APBB1IP: variants seen among roughly 807,000 people sequenced by gnomAD.
The protein encoded by APBB1IP is amyloid beta A4 precursor protein-binding family B member 1-interacting protein.
APBB1IP carries 27 observed loss-of-function variants against 64.9 expected under a neutral mutation model. The observed-to-expected ratio is 0.42, with a 90% confidence interval of 0.31 to 0.57. The LOEUF (loss-of-function observed/expected upper bound fraction) is 0.57. Among genes scored for constraint, APBB1IP ranks in the 20% least tolerant of loss-of-function variants. APBB1IP has a pLI of 0.20. For synonymous variants in APBB1IP, 392 were observed against 331.0 expected, an observed-to-expected ratio of 1.18 and a Z score of -2.00; for missense variants, 812 against 845.5, an observed-to-expected ratio of 0.96 and a Z score of 0.49.
At chr10:26,560,480 A>T (rs787018) in intron 12 of APBB1IP, among the ~76,000 whole-genome samples, 25,435 of 152,134 alleles carry the variant, frequency 0.17, 2,293 homozygotes, top group East Asian at 0.33. Flanking sequence ...ATAAAGACAC[A>T]CGTAATCAGA....
rs1196454708 is a variant in APBB1IP at position 26,535,991 on chromosome 10, T to G, written c.901-83T>G. 10 of 1,421,814 alleles carry G rather than the reference T, an allele frequency of 7.0e-6. No homozygotes were observed. The Admixed American group carries it at 7.3e-5, about 10-fold the overall frequency. 88.1% of individuals were successfully genotyped at this position (1,421,814 alleles called of 1,614,324 possible). ...CAAAATTGACTTTTAGTTTAAAAGCTAATTTGTAAGTTTTTAAATGTGAAT... is the reference window on the plus strand; with the variant it reads ...CAAAATTGACTTTTAGTTTAAAAGCGAATTTGTAAGTTTTTAAATGTGAAT... On this transcript the variant is annotated intron_variant, in intron 9 of 14. Transcript: ENST00000376236.
At chr10:26,504,722 TA>T (rs1179855764) in intron 6 of APBB1IP, among the ~76,000 whole-genome samples, 1,687 of 147,662 alleles carry the variant, frequency 0.011, 43 homozygotes, top group African/African-American at 0.038. Flanking sequence ...AAAAAAAAAT[TA>T]AAAAAAAAAA....
intron 2 of APBB1IP, among the ~76,000 whole-genome samples, chr10:26,490,487 T>C (rs1835942061): frequency 6.6e-6 from 1 of 151,952 alleles, no homozygotes; most frequent in Admixed American, 6.5e-5. Flanking sequence ...TAACCAGGTG[T>C]GGTGGGGCAT....
intron 2 of APBB1IP, among the ~76,000 whole-genome samples, chr10:26,458,898 A>T (rs1395159321): frequency 6.6e-6 from 1 of 152,020 alleles, no homozygotes; most frequent in African/African-American, 2.4e-5. Context: ...TAAATTGTGT[A>T]TAAGTGTGTA....
chr10:26,488,146 A>G (rs1835913716), intron 2 of APBB1IP, among the ~76,000 whole-genome samples: 2 of 152,214 alleles, frequency 1.3e-5, no homozygotes, highest in Admixed American at 1.3e-4. Flanking sequence ...AAAACCCATG[A>G]CAAGATTTTT....
Position 26,524,974 on chromosome 10 carries a change from T to TTTTTTTTTTTTTA in APBB1IP, c.814-8465_814-8464insTTTTTTTTTTTTA, listed in dbSNP as rs1554778195. ...TTCTTTCTTTTTTTTTTTTTTTTTT[T>TTTTTTTTTTTTTA]ATAAAAAAAGGAATCCTGGCAAGAG... is the stretch of plus-strand genomic sequence containing the variant. On this transcript the variant is annotated intron_variant, in intron 8 of 14. Transcript: ENST00000376236. Among the ~76,000 whole-genome samples, 53 of 126,734 alleles carry TTTTTTTTTTTTTA rather than the reference T, an allele frequency of 4.2e-4. 1 individual carries two copies. Among genetic ancestry groups the TTTTTTTTTTTTTA allele is most frequent in the African/African-American group, 9.9e-4 (36 of 36,326 alleles). The allele number at this position is 126,734 out of a possible 152,430, so 83.1% of individuals were successfully genotyped here.
chr10:26,518,256 T>A (rs1412113786), intron 8 of APBB1IP, among the ~76,000 whole-genome samples: 2 of 90,712 alleles, frequency 2.2e-5, no homozygotes, highest in East Asian at 7.4e-4. Flanking sequence ...CCCAGCCTAT[T>A]TTTTTTTTTT....
chr10:26,567,588 A>G lies in APBB1IP; in HGVS notation c.*100A>G. 2 of 1,457,400 alleles carry G rather than the reference A, an allele frequency of 1.4e-6. No homozygotes were observed. Among genetic ancestry groups the G allele is most frequent in the Non-Finnish European group, 1.8e-6 (2 of 1,085,354 alleles). 90.3% of individuals were successfully genotyped at this position (1,457,400 alleles called of 1,614,324 possible). A position where few individuals can be genotyped will look rare whatever the true frequency, so the allele number is the denominator to read the frequency against. On this transcript the variant is annotated 3_prime_UTR_variant, in exon 15 of 15. Coordinates refer to ENST00000376236, the MANE Select transcript of APBB1IP (RefSeq NM_019043.4). ...TGACATCTTGTTCATTTCAGATAAA[A>G]TGTGATGGGAAACTTCTCACTGATG...
intron 14 of APBB1IP, among the ~76,000 whole-genome samples, chr10:26,564,043 A>G (rs1310397032): frequency 6.7e-6 from 1 of 148,498 alleles, no homozygotes; most frequent in African/African-American, 2.4e-5. Flanking sequence ...AAATAAAAAG[A>G]AAAAATACAT....
intron 10 of APBB1IP, among the ~76,000 whole-genome samples, chr10:26,541,076 GGGAGTCCCC>G (rs1836690703): frequency 1.3e-5 from 2 of 152,060 alleles, no homozygotes; most frequent in African/African-American, 4.8e-5. Context: ...TCCTGACTCT[GGGAGTCCCC>G]AGACAGGCAT....
At chr10:26,472,752 T>C (rs1424462084) in intron 2 of APBB1IP, among the ~76,000 whole-genome samples, 3 of 151,892 alleles carry the variant, frequency 2.0e-5, no homozygotes, top group Non-Finnish European at 2.9e-5. Context: ...GCCTGGCCAA[T>C]ATAGTGAAAC....
chr10:26,489,437 G>A (rs928334305), intron 2 of APBB1IP, among the ~76,000 whole-genome samples: 1 of 152,212 alleles, frequency 6.6e-6, no homozygotes, highest in African/African-American at 2.4e-5. Context: ...ATTTCATTAT[G>A]TCAGATTTCC....
At chr10:26,563,912 A>G (rs574943401) in intron 14 of APBB1IP, among the ~76,000 whole-genome samples, 17 of 152,098 alleles carry the variant, frequency 1.1e-4, no homozygotes, top group African/African-American at 4.1e-4. Flanking sequence ...TATTTTCATT[A>G]TTTCTAAATG....
intron 4 of APBB1IP, among the ~76,000 whole-genome samples, chr10:26,499,404 C>A (rs1395168265): frequency 1.3e-5 from 2 of 152,068 alleles, no homozygotes; most frequent in Non-Finnish European, 2.9e-5. Context: ...AACTTTAGTC[C>A]AAGTACTGTA....
intron 2 of APBB1IP, among the ~76,000 whole-genome samples, chr10:26,476,894 A>C (rs572746162): frequency 6.6e-6 from 1 of 152,034 alleles, no homozygotes; most frequent in African/African-American, 2.4e-5. Context: ...TCCGCCTCCC[A>C]GGTTCAAGAG....
rs1183905478 is a variant in APBB1IP, at chr10:26,438,769, T to C, written c.-85T>C. 1 of 152,216 alleles carries C rather than the reference T, an allele frequency of 6.6e-6. No individual in the cohort carries two copies. Among genetic ancestry groups the C allele is most frequent in the East Asian group, 1.9e-4 (1 of 5,160 alleles). The allele number at this position is 152,216 out of a possible 1,614,324, so 9.4% of individuals were successfully genotyped here. The stretch of plus-strand genomic sequence containing the variant: ...CCGGGGCAGCGACCTGGAGCCCGGG[T>C]GCGGCAGTCTGCACCGCGCGTCGCT... On this transcript the variant is annotated 5_prime_UTR_variant, in exon 2 of 15. Coordinates refer to ENST00000376236, the MANE Select transcript of APBB1IP (RefSeq NM_019043.4).
chr10:26,517,598 C>T (rs1350776442), intron 8 of APBB1IP, among the ~76,000 whole-genome samples: 5 of 152,352 alleles, frequency 3.3e-5, no homozygotes, highest in South Asian at 2.1e-4. Context: ...GGCCATCACA[C>T]CCGGCCAAGT....
At chr10:26,527,542 C>CAAA (rs550297713) in intron 8 of APBB1IP, among the ~76,000 whole-genome samples, 2 of 91,222 alleles carry the variant, frequency 2.2e-5, no homozygotes, top group African/African-American at 8.0e-5. Flanking sequence ...TACCTTGTCT[C>CAAA]AAAAAAAAAA....
At chr10:26,475,443 G>C (rs1835764527) in intron 2 of APBB1IP, among the ~76,000 whole-genome samples, 1 of 151,994 alleles carries the variant, frequency 6.6e-6, no homozygotes, top group Non-Finnish European at 1.5e-5. Context: ...TTCTTTGTGT[G>C]GATTTGAGTA....
Sources: allele counts gnomAD v4.1 joint callset (sites outside exome capture counted in the v4.1 genomes callset), GRCh38; gene constraint gnomAD v4.1.1; transcripts MANE v1.5; gene names NCBI Gene and HGNC (gene_info 2026-07-23, HGNC 2026-07-21).